The following SATB1 variants were observed in gnomAD, a reference collection of about 807,000 sequenced individuals.
The protein encoded by SATB1 is SATB homeobox 1, also known as DNA-binding protein SATB1.
SATB1 carries 11 observed loss-of-function variants against 86.9 expected under a neutral mutation model. That is an observed-to-expected ratio of 0.13 (90% confidence interval 0.08 to 0.21). The LOEUF is 0.21. Among genes scored for constraint, SATB1 ranks in the 10% least tolerant of loss-of-function variants. The probability of loss-of-function intolerance (pLI) is 1.00; values close to 1 mark genes in which losing one functional copy is unlikely to be tolerated. For missense variants in SATB1, 551 were observed against 937.6 expected, an observed-to-expected ratio of 0.59 and a Z score of 5.39; for synonymous variants, 357 against 357.2, an observed-to-expected ratio of 1.00 and a Z score of 0.01.
In SATB1 at chr3:18,385,147, C is replaced by T. The variant is rs369756054; in HGVS notation, c.1419+1252G>A. 3.4e-3 allele frequency among the ~76,000 whole-genome samples: 524 copies of T among 152,194 alleles called. 1 individual carries two copies. The highest frequency in any genetic ancestry group is 0.011 in the African/African-American group (475 of 41,532). Reference sequence around the variant, plus strand: ...TGTTGAATGAGTTTTTTCTAGATTTCTATACATGAAAATGTATAACCACTT... The same window carrying T: ...TGTTGAATGAGTTTTTTCTAGATTTTTATACATGAAAATGTATAACCACTT... On this transcript the variant is annotated intron_variant, in intron 8 of 10. Transcript: ENST00000338745.
At chr3:18,363,950 T>G (rs902126649) in intron 9 of SATB1, among the ~76,000 whole-genome samples, 9 of 152,142 alleles carry the variant, frequency 5.9e-5, no homozygotes, top group Admixed American at 3.3e-4. Flanking sequence ...GAGAAAAGGT[T>G]GTCTGGAAGG....
intron 9 of SATB1, among the ~76,000 whole-genome samples, chr3:18,373,067 G>T (rs2125174682): frequency 6.6e-6 from 1 of 152,256 alleles, no homozygotes; most frequent in South Asian, 2.1e-4. Context: ...CAGGCAAGTG[G>T]GTCCCAGGGA....
upstream of SATB1, among the ~76,000 whole-genome samples, chr3:18,425,638 T>C (rs1383969133): frequency 6.6e-6 from 1 of 150,814 alleles, no homozygotes; most frequent in Non-Finnish European, 1.5e-5. Context: ...GGCCCGACAT[T>C]TATTACACAC....
At chr3:18,362,860 C>G (rs373869780) in intron 9 of SATB1, among the ~76,000 whole-genome samples, 1 of 32,294 alleles carries the variant, frequency 3.1e-5, no homozygotes, top group Non-Finnish European at 5.9e-5. Flanking sequence ...ATGCCATGTG[C>G]AAAAAAAAAA....
At chr3:18,417,494 AC>A (rs1004320390) in intron 2 of SATB1, 50 of 602,210 alleles carry the variant, frequency 8.3e-5, no homozygotes, top group Non-Finnish European at 5.0e-5. Context: ...TCTACTGCTT[AC>A]ATGATTTTGT....
rs367643459 is a variant in SATB1, at chr3:18,386,389, G to C, written c.1419+10C>G. 2.5e-6 allele frequency: 4 copies of C among 1,607,184 alleles called. No homozygotes were observed. The African/African-American group carries it at 5.3e-5, about 21-fold the overall frequency. On this transcript the variant is annotated intron_variant, in intron 8 of 10. Transcript: ENST00000338745. The surrounding 1 kb of genome is among the most constrained non-coding windows in gnomAD (Gnocchi z 4.5). ...AACAAAGAAGGGCAAGGAGGAAAAG[G>C]AGACCGCACCTGGGGAGGACGGCTG...
At chr3:18,407,704 A>C (rs775662519) in intron 5 of SATB1, among the ~76,000 whole-genome samples, 1 of 152,066 alleles carries the variant, frequency 6.6e-6, no homozygotes, top group Non-Finnish European at 1.5e-5. Flanking sequence ...GGAGCTAATT[A>C]AAGTGATGCT....
upstream of SATB1, among the ~76,000 whole-genome samples, chr3:18,428,568 T>C (rs944501435): frequency 4.6e-5 from 7 of 152,210 alleles, no homozygotes; most frequent in Non-Finnish European, 1.0e-4. Flanking sequence ...AGGGATCTTA[T>C]ATTAAGCAAT....
At chr3:18,367,976 A>C (rs1695270426) in intron 9 of SATB1, among the ~76,000 whole-genome samples, 1 of 152,168 alleles carries the variant, frequency 6.6e-6, no homozygotes, top group Non-Finnish European at 1.5e-5. Flanking sequence ...TGTACAAAAA[A>C]CTTCAGGGTT....
chr3:18,406,375 T>C (rs147156791), intron 5 of SATB1, among the ~76,000 whole-genome samples: 1 of 152,118 alleles, frequency 6.6e-6, no homozygotes, highest in Non-Finnish European at 1.5e-5. Flanking sequence ...GTCTATAAAT[T>C]ATCTGTTATT....
intron 5 of SATB1, among the ~76,000 whole-genome samples, chr3:18,414,187 T>C (rs2125155756): frequency 6.6e-6 from 1 of 152,226 alleles, no homozygotes; most frequent in East Asian, 1.9e-4. Flanking sequence ...GGACCAACAT[T>C]TTAATTATAC....
chr3:18,414,888 G>A, intron 5 of SATB1: 2 of 457,032 alleles, frequency 4.4e-6, no homozygotes. Context: ...TGTTTTTCCT[G>A]TAAACAGTCC....
intron 2 of SATB1, among the ~76,000 whole-genome samples, chr3:18,434,703 A>G (rs1699002188): frequency 1.3e-5 from 2 of 152,086 alleles, no homozygotes; most frequent in Admixed American, 1.3e-4. Context: ...CTATAAAATG[A>G]ATGGATAGAG....
At chr3:18,441,451 A>C (rs1164061133), upstream of SATB1, among the ~76,000 whole-genome samples, 1 of 152,174 alleles carries the variant, frequency 6.6e-6, no homozygotes, top group Admixed American at 6.5e-5. Context: ...CAACTACATC[A>C]TGTCTAGAAA....
chr3:18,382,232 A>G (rs1264836644), intron 8 of SATB1, among the ~76,000 whole-genome samples: 2 of 152,186 alleles, frequency 1.3e-5, no homozygotes, highest in East Asian at 3.8e-4. Context: ...TACCTTTAGT[A>G]ATTCTTTAGG....
At chr3:18,369,558 C>T (rs935523232) in intron 9 of SATB1, among the ~76,000 whole-genome samples, 1 of 152,002 alleles carries the variant, frequency 6.6e-6, no homozygotes, top group African/African-American at 2.4e-5. Context: ...AAAAGGGGGG[C>T]CTGAAATTTT....
intron 9 of SATB1, among the ~76,000 whole-genome samples, chr3:18,373,376 C>T (rs1046906102): frequency 2.0e-5 from 3 of 152,132 alleles, no homozygotes; most frequent in African/African-American, 7.2e-5. Context: ...AATGAATCAG[C>T]ACAGAATTAA....
At chr3:18,427,268 T>C (rs1281658655), upstream of SATB1, among the ~76,000 whole-genome samples, 2 of 152,224 alleles carry the variant, frequency 1.3e-5, no homozygotes, top group African/African-American at 2.4e-5. Context: ...TTCAAACTAG[T>C]AATGCCTGAC....
intron 2 of SATB1, among the ~76,000 whole-genome samples, chr3:18,431,118 C>T (rs538217919): frequency 1.4e-4 from 21 of 152,220 alleles, no homozygotes; most frequent in African/African-American, 4.8e-4. Flanking sequence ...AAAATTGGTA[C>T]CTTTATCTGG....
Sources: gnomAD v4.1 joint callset for allele counts (sites outside exome capture counted in the v4.1 genomes callset) on GRCh38, gnomAD v4.1.1 for gene constraint, Gnocchi (gnomAD v3.1) non-coding constraint, MANE v1.5 for transcripts, NCBI Gene and HGNC (gene_info 2026-07-23, HGNC 2026-07-21) for gene names.